The following ZNF195 variants were observed in gnomAD, a reference collection of about 807,000 sequenced individuals.
ZNF195 encodes hypoxia-regulated factor-1.
A neutral mutation model predicts 19.5 loss-of-function variants in ZNF195; 11 were observed. The ratio of observed to expected loss-of-function variants is 0.57; its 90% CI spans 0.36 to 0.94. The LOEUF (loss-of-function observed/expected upper bound fraction) is 0.94. Ranked by LOEUF, ZNF195 falls within the 40% of genes least tolerant of loss-of-function variation. ZNF195 has a pLI of 0.01. For missense variants in ZNF195, 582 were observed against 709.0 expected (o/e 0.82, Z 2.03); for synonymous variants, 214 against 248.1 (o/e 0.86, Z 1.29).
rs1008759004 is a variant in ZNF195 at position 3,361,902 on chromosome 11, C to CA, written c.227-14dup. The CA allele has an allele frequency of 7.1e-6, 3 of 420,226 alleles. No homozygotes were observed. Among genetic ancestry groups the CA allele is most frequent in the African/African-American group, 2.1e-5 (1 of 47,870 alleles). 26.0% of individuals were successfully genotyped at this position (420,226 alleles called of 1,614,324 possible). A position where few individuals can be genotyped will look rare whatever the true frequency, so the allele number is the denominator to read the frequency against. ...TGAAATCCCATCTCTACAGAAAATA[C>CA]AAAAAAATTAGCTGTGTATGCTGTT... On this transcript the variant is annotated splice_polypyrimidine_tract_variant and intron_variant, in intron 3 of 5. Transcript: ENST00000399602.
At position 3,359,610 on chromosome 11, in the gene ZNF195, G is replaced by C; in HGVS notation, c.1398C>G (p.Tyr466Ter). The C allele has an allele frequency of 6.2e-7, 1 of 1,614,172 alleles. No individual in the cohort carries two copies. The change falls in exon 6 of 6, where the codon TAC (tyrosine) becomes TAG (stop). Residue 466 changes from tyrosine to a stop codon, truncating the protein, a stop_gained. Coordinates refer to ENST00000399602, the MANE Select transcript of ZNF195 (RefSeq NM_001130520.3). LOFTEE classifies it low-confidence loss of function (END_TRUNC). The surrounding 1 kb of genome is among the most constrained non-coding windows in gnomAD (Gnocchi z 5.5). ...AGACCTTCCCACATTCTTCACATTG[G>C]TAGGGTTTCTCTCCGGTGTGAATCC... ...HRRIHTGEKP[Y>*]QCEECGKVFR... is the part of the protein sequence containing the mutation.
chr11:3,365,807 G>C (rs1356559113), intron 3 of ZNF195, among the ~76,000 whole-genome samples: 1 of 152,186 alleles, frequency 6.6e-6, no homozygotes, highest in Non-Finnish European at 1.5e-5. Flanking sequence ...ATAAACCCTT[G>C]TGGATAAAAT....
chr11:3,378,334 G>A (rs1849570948), intron 1 of ZNF195, among the ~76,000 whole-genome samples: 1 of 150,770 alleles, frequency 6.6e-6, no homozygotes, highest in Admixed American at 6.6e-5. Flanking sequence ...TTAAATAGCA[G>A]GCAATCCGAC....
In ZNF195 at chr11:3,371,963, C is replaced by T. The variant is rs182611889; in HGVS notation, c.4-260G>A. Among the ~76,000 whole-genome samples, 13 of 152,296 alleles carry T rather than the reference C, an allele frequency of 8.5e-5. No individual in the cohort carries two copies. In the East Asian group the frequency reaches 2.1e-3, roughly 25 times the overall value. On this transcript the variant is annotated intron_variant, in intron 1 of 5. Coordinates refer to ENST00000399602, the MANE Select transcript of ZNF195 (RefSeq NM_001130520.3). ...TGTCCATTTTTGAGTGCTACATTTA[C>T]GTCACATGAATAAGCTGTGTATATT...
At chr11:3,362,874 T>A (rs995076609) in intron 3 of ZNF195, 3 of 217,006 alleles carry the variant, frequency 1.4e-5, no homozygotes, top group Non-Finnish European at 2.7e-5. Flanking sequence ...AAAAAGAGAC[T>A]GAAAGTGGCA....
intron 3 of ZNF195, chr11:3,363,418 C>T (rs557948729): frequency 1.3e-5 from 2 of 151,958 alleles, no homozygotes; most frequent in Non-Finnish European, 2.9e-5. Context: ...TAAGTCTTAA[C>T]AAATTTCAAA....
Position 3,370,967 on chromosome 11 carries a change from C to T in ZNF195, c.226+8G>A. 6.2e-7 allele frequency: 1 copy of T among 1,613,690 alleles called. No homozygotes were observed. Among genetic ancestry groups the T allele is most frequent in the East Asian group, 2.2e-5 (1 of 44,878 alleles). On this transcript the variant is annotated splice_region_variant and intron_variant, in intron 3 of 5. Coordinates refer to ENST00000399602, the MANE Select transcript of ZNF195 (RefSeq NM_001130520.3). The stretch of plus-strand genomic sequence containing the variant: ...CCTGGGTTACCTGCTTCGTTCATTC[C>T]CACCCACCTGGATGTCCGTCTGCTG...
intron 3 of ZNF195, chr11:3,362,674 AAG>A (rs1848689797): frequency 2.2e-6 from 1 of 445,958 alleles, no homozygotes; most frequent in Non-Finnish European, 4.1e-6. Context: ...ACAAAAAGGA[AAG>A]AGAGAAAGAA....
chr11:3,378,924 C>A (rs1341935554), intron 1 of ZNF195, 114 bp downstream of exon 1: 3 of 1,241,566 alleles, frequency 2.4e-6, no homozygotes, highest in Non-Finnish European at 3.1e-6. Context: ...CTGGAGGGGC[C>A]TCGGGTCCGC....
intron 3 of ZNF195, chr11:3,369,577 G>A (rs181859009): frequency 9.3e-6 from 4 of 429,498 alleles, no homozygotes; most frequent in East Asian, 7.3e-5. Context: ...ATGAAATCCT[G>A]TCATTCAACC....
chr11:3,372,617 C>CAAAT (rs374682423), intron 1 of ZNF195, among the ~76,000 whole-genome samples: 95 of 127,908 alleles, frequency 7.4e-4, no homozygotes, highest in Non-Finnish European at 9.8e-4. Context: ...CAGGTCCTGA[C>CAAAT]AAATATCTCC....
At position 3,359,979 on chromosome 11, in the gene ZNF195, A is replaced by C. The variant is rs1848548243; in HGVS notation, c.1029T>G (p.Thr343=). 1 of 1,614,018 alleles carries C rather than the reference A, an allele frequency of 6.2e-7. No homozygotes were observed. The highest frequency in any genetic ancestry group is 1.3e-5 in the African/African-American group (1 of 74,948). ...GKVFNQCSHL[T]EHEHGTEEKP... ...TTTCCTCAGTACCATGCTCATGTTCAGTAAGGTGGGAGCACTGGTTAAATA... is the reference window on the plus strand; with the variant it reads ...TTTCCTCAGTACCATGCTCATGTTCCGTAAGGTGGGAGCACTGGTTAAATA... The change falls in exon 6 of 6, where the codon ACT becomes ACG. Residue 343 remains threonine (T), a synonymous_variant. Transcript: ENST00000399602. This position sits in a 1 kb window ranked among gnomAD's most constrained non-coding sequence, Gnocchi z 5.5.
intron 3 of ZNF195, chr11:3,369,586 C>G: frequency 2.4e-6 from 1 of 423,782 alleles, no homozygotes; most frequent in Admixed American, 2.5e-5. Context: ...TGTCATTCAA[C>G]CACGTGGATG....
chr11:3,363,116 C>T (rs1376001789), intron 3 of ZNF195, among the ~76,000 whole-genome samples: 3 of 152,178 alleles, frequency 2.0e-5, no homozygotes, highest in African/African-American at 7.2e-5. Flanking sequence ...ATTGAAGTAA[C>T]TTCCTATTAT....
chr11:3,360,927 C>G (rs1315112123), intron 4 of ZNF195, 139 bp from the exon 5 acceptor site: 1 of 719,410 alleles, frequency 1.4e-6, no homozygotes, highest in Non-Finnish European at 2.2e-6. Flanking sequence ...CAAATACTGG[C>G]ACAAGTGTTT....
Position 3,367,627 on chromosome 11 carries a change from AG to A in ZNF195, c.226+3347del, listed in dbSNP as rs1264059677. Among the ~76,000 whole-genome samples, 4 of 152,276 alleles carry A rather than the reference AG, an allele frequency of 2.6e-5. No homozygotes were observed. The East Asian group carries it at 7.7e-4, about 29-fold the overall frequency. On this transcript the variant is annotated intron_variant, in intron 3 of 5. Coordinates refer to ENST00000399602, the MANE Select transcript of ZNF195 (RefSeq NM_001130520.3). ...TTTAAAATGCTGCCATCCAACTTTT[AG>A]AAGCAAGGAATAGCCTTATATTTCT...
chr11:3,368,607 C>T (rs773739102), intron 3 of ZNF195, among the ~76,000 whole-genome samples: 29 of 152,318 alleles, frequency 1.9e-4, no homozygotes, highest in Non-Finnish European at 3.5e-4. Flanking sequence ...ATAGACTTGG[C>T]ATAGCCAAAG....
Position 3,361,889 on chromosome 11 carries a change from T to G in ZNF195, c.227A>C (p.Glu76Ala), listed in dbSNP as rs1235565219. Reference protein sequence around the residue: ...KRQEAADGHPEMGFHHATQAC... With the variant: ...KRQEAADGHPAMGFHHATQAC... ...CTGAGTAGCATGGTGAAATCCCATC[T>G]CTACAGAAAATACAAAAAAATTAGC... Residue 76 changes from glutamate (E) to alanine (A), a missense_variant and splice_region_variant, in exon 4 of 6, where the codon GAG (glutamate) becomes GCG (alanine). By Grantham distance (107) the Glu-to-Ala change is moderately radical (BLOSUM62 -1). Coordinates refer to ENST00000399602, the MANE Select transcript of ZNF195 (RefSeq NM_001130520.3). 9.1e-6 allele frequency: 4 copies of G among 437,808 alleles called. No homozygotes were observed. The East Asian group carries it at 2.2e-4, about 24-fold the overall frequency. The allele number at this position is 437,808 out of a possible 1,614,324, so 27.1% of individuals were successfully genotyped here. A position where few individuals can be genotyped will look rare whatever the true frequency, so the allele number is the denominator to read the frequency against.
At chr11:3,365,584 A>G (rs530270277) in intron 3 of ZNF195, among the ~76,000 whole-genome samples, 9 of 152,372 alleles carry the variant, frequency 5.9e-5, no homozygotes, top group African/African-American at 1.4e-4. Context: ...TACACATTCA[A>G]TGTAATCTCT....
Sources: allele counts gnomAD v4.1 joint callset (sites outside exome capture counted in the v4.1 genomes callset), GRCh38; gene constraint gnomAD v4.1.1; non-coding constraint Gnocchi (gnomAD v3.1); transcripts MANE v1.5; gene names NCBI Gene and HGNC (gene_info 2026-07-23, HGNC 2026-07-21).